Variants in LAMA2 observed in about 807,000 individuals in gnomAD.
The protein encoded by LAMA2 is laminin subunit alpha-2.
In LAMA2, 269 loss-of-function variants were observed where a neutral mutation model predicts 364.8. That is an observed-to-expected ratio of 0.74 (90% CI 0.67 to 0.82). LAMA2 has a LOEUF of 0.82. Among genes scored for constraint, LAMA2 ranks in the 40% least tolerant of loss-of-function variants. The pLI is 0.00. For missense variants in LAMA2, 3,807 were observed against 3,873.2 expected, an observed-to-expected ratio of 0.98 and a Z score of 0.45; for synonymous variants, 1,379 against 1,370.6, an observed-to-expected ratio of 1.01 and a Z score of -0.14.
intron 3 of LAMA2, among the ~76,000 whole-genome samples, chr6:129,075,990 G>T (rs1340011184): frequency 6.6e-6 from 1 of 151,972 alleles, no homozygotes; most frequent in Non-Finnish European, 1.5e-5. Flanking sequence ...GGAGGTTGAG[G>T]CAGGAGAATC....
intron 35 of LAMA2, among the ~76,000 whole-genome samples, chr6:129,390,306 T>A (rs528248245): frequency 6.6e-6 from 1 of 152,144 alleles, no homozygotes; most frequent in East Asian, 1.9e-4. Flanking sequence ...AAGGTGGTGA[T>A]GCTGCTGCTG....
chr6:129,238,548 C>T (rs540154365), intron 12 of LAMA2, among the ~76,000 whole-genome samples: 28 of 132,596 alleles, frequency 2.1e-4, no homozygotes, highest in Non-Finnish European at 2.7e-4. Flanking sequence ...AACCACTGAG[C>T]GTGTTCATGT....
intron 45 of LAMA2, among the ~76,000 whole-genome samples, chr6:129,446,473 G>C (rs1229653062): frequency 7.3e-6 from 1 of 137,082 alleles, no homozygotes; most frequent in Non-Finnish European, 1.6e-5. Context: ...AAGTGGCAAC[G>C]TGAAACTTTA....
At chr6:129,296,020 T>C (rs889305218) in intron 20 of LAMA2, among the ~76,000 whole-genome samples, 2 of 152,044 alleles carry the variant, frequency 1.3e-5, no homozygotes, top group East Asian at 1.9e-4. Flanking sequence ...AGTATTTATA[T>C]AGTTTCATAT....
chr6:128,923,848 C>T (rs7745096), intron 1 of LAMA2, among the ~76,000 whole-genome samples: 4,065 of 152,180 alleles, frequency 0.027, 157 homozygotes, highest in African/African-American at 0.084. Context: ...CAGTTGTCCT[C>T]CGCTTATGAT....
chr6:129,139,448 A>G (rs1044374173), intron 4 of LAMA2, among the ~76,000 whole-genome samples: 1 of 152,086 alleles, frequency 6.6e-6, no homozygotes, highest in African/African-American at 2.4e-5. Context: ...TAGCCTTTAC[A>G]TTGTATTGGG....
chr6:129,037,712 CTGGA>C (rs1397488378), intron 1 of LAMA2, among the ~76,000 whole-genome samples: 5 of 148,772 alleles, frequency 3.4e-5, no homozygotes, highest in South Asian at 2.1e-4. Flanking sequence ...GTCGCCCAGG[CTGGA>C]TGGAGTGCAG....
At chr6:129,407,840 T>C (rs1421043532) in intron 40 of LAMA2, among the ~76,000 whole-genome samples, 1 of 152,192 alleles carries the variant, frequency 6.6e-6, no homozygotes, top group Non-Finnish European at 1.5e-5. Flanking sequence ...AGAGATGCCC[T>C]ATGGGATCTC....
chr6:129,402,763 T>A (rs184935299), intron 39 of LAMA2, among the ~76,000 whole-genome samples: 1 of 152,326 alleles, frequency 6.6e-6, no homozygotes, highest in Admixed American at 6.5e-5. Context: ...TATTTTCTGT[T>A]CTTTATTAAA....
At chr6:128,908,222 C>T (rs1171334128) in intron 1 of LAMA2, among the ~76,000 whole-genome samples, 2 of 149,616 alleles carry the variant, frequency 1.3e-5, no homozygotes, top group Non-Finnish European at 3.0e-5. Flanking sequence ...ACCAGTTCCT[C>T]CTTGTACCTC....
intron 1 of LAMA2, among the ~76,000 whole-genome samples, chr6:128,965,152 A>T (rs185600741): frequency 6.6e-6 from 1 of 152,154 alleles, no homozygotes; most frequent in Non-Finnish European, 1.5e-5. Flanking sequence ...GGATTTATTA[A>T]TCTTACTCCA....
chr6:129,340,877 A>AC (rs1365897866), intron 29 of LAMA2, among the ~76,000 whole-genome samples: 1 of 151,450 alleles, frequency 6.6e-6, no homozygotes, highest in Non-Finnish European at 1.5e-5. Context: ...AAAAGAAAAG[A>AC]AAAGACTTGT....
chr6:129,249,628 A>G (rs949527290), intron 12 of LAMA2, among the ~76,000 whole-genome samples: 3 of 152,174 alleles, frequency 2.0e-5, no homozygotes, highest in African/African-American at 4.8e-5. Context: ...TCTTTGACCA[A>G]TAACATTTCT....
At chr6:129,315,308 A>G (rs1293528979) in intron 24 of LAMA2, among the ~76,000 whole-genome samples, 168 bp from the exon 25 acceptor site, 4 of 152,224 alleles carry the variant, frequency 2.6e-5, no homozygotes. Flanking sequence ...TTAGTCAAAA[A>G]GATTTACGTC....
intron 40 of LAMA2, among the ~76,000 whole-genome samples, chr6:129,414,618 T>G (rs552062405): frequency 6.6e-6 from 1 of 152,308 alleles, no homozygotes; most frequent in Non-Finnish European, 1.5e-5. Flanking sequence ...CAATAAAATC[T>G]GTTCTAAAAT....
Position 129,353,181 on chromosome 6 carries a change from C to A in LAMA2, c.4541C>A (p.Thr1514Asn), listed in dbSNP as rs759355376. The A allele has an allele frequency of 6.2e-7, 1 of 1,613,718 alleles. No homozygotes were observed. The highest frequency in any genetic ancestry group is 8.5e-7 in the Non-Finnish European group (1 of 1,179,692). The change falls in exon 32 of 65, where the codon ACT (threonine) becomes AAT (asparagine). Residue 1514 changes from threonine to asparagine, a missense_variant. Coordinates refer to ENST00000421865, the MANE Select transcript of LAMA2 (RefSeq NM_000426.4). The part of the protein sequence containing the change: ...QYCERCAPGY[T>N]GSPGNPGGSC... ...CAATTCAGGTGTGCCCCTGGCTATA[C>A]TGGCAGTCCAGGCAACCCTGGAGGC...
At chr6:129,056,611 T>C (rs959081329) in intron 2 of LAMA2, among the ~76,000 whole-genome samples, 3 of 152,172 alleles carry the variant, frequency 2.0e-5, no homozygotes, top group Non-Finnish European at 2.9e-5. Context: ...ATACCATAAA[T>C]AGCTTAAAAC....
chr6:129,456,930 G>T (rs1371562244), intron 48 of LAMA2, among the ~76,000 whole-genome samples: 1 of 152,156 alleles, frequency 6.6e-6, no homozygotes, highest in African/African-American at 2.4e-5. Flanking sequence ...ACATGATCTG[G>T]TTTTTAAAGT....
chr6:129,382,784 T>C (rs191220941), intron 34 of LAMA2, among the ~76,000 whole-genome samples: 23 of 152,296 alleles, frequency 1.5e-4, no homozygotes, highest in East Asian at 1.2e-3. Flanking sequence ...AACTGCAACA[T>C]GTGGAGGCTG....
Sources: gnomAD v4.1 joint callset for allele counts (sites outside exome capture counted in the v4.1 genomes callset) on GRCh38, gnomAD v4.1.1 for gene constraint, MANE v1.5 for transcripts, NCBI Gene and HGNC (gene_info 2026-07-23, HGNC 2026-07-21) for gene names.